The following NACC2 variants were observed in gnomAD, a reference collection of about 807,000 sequenced individuals.
NACC2 encodes the protein NACC family member 2, also known as nucleus accumbens-associated protein 2.
Under a neutral mutation model 25.1 loss-of-function variants are expected in NACC2, and 8 were observed. The ratio of observed to expected loss-of-function variants is 0.32; its 90% CI spans 0.19 to 0.57. The LOEUF is 0.57. NACC2 is among the 20% of genes least tolerant of loss of function. The pLI is 0.89. For missense variants in NACC2, 644 were observed against 650.2 expected (o/e 0.99, Z 0.10); for synonymous variants, 435 against 294.7 (o/e 1.48, Z -4.88).
intron 2 of NACC2, among the ~76,000 whole-genome samples, chr9:136,029,740 G>A (rs868470524): frequency 6.6e-6 from 1 of 152,282 alleles, no homozygotes; most frequent in African/African-American, 2.4e-5. Flanking sequence ...GCAGGGAGCC[G>A]GCGCCTGTGC....
intron 1 of NACC2, among the ~76,000 whole-genome samples, chr9:136,072,066 C>T (rs1377370453): frequency 2.0e-5 from 3 of 149,586 alleles, no homozygotes; most frequent in Admixed American, 6.7e-5. Flanking sequence ...GGTGAAACCC[C>T]GTCTGTACTA....
At chr9:136,035,961 T>C (rs911351666) in intron 2 of NACC2, among the ~76,000 whole-genome samples, 1 of 152,186 alleles carries the variant, frequency 6.6e-6, no homozygotes, top group Non-Finnish European at 1.5e-5. Context: ...ATCATGATCC[T>C]GAGGGAGGAA....
At chr9:136,067,573 C>T (rs1414530016) in intron 1 of NACC2, among the ~76,000 whole-genome samples, 3 of 152,138 alleles carry the variant, frequency 2.0e-5, no homozygotes, top group Non-Finnish European at 2.9e-5. Flanking sequence ...CGCGGTGGCT[C>T]ACGCCTGTAA....
chr9:136,065,112 A>G (rs1445445622), intron 1 of NACC2, among the ~76,000 whole-genome samples: 4 of 152,236 alleles, frequency 2.6e-5, no homozygotes, highest in Non-Finnish European at 5.9e-5. Flanking sequence ...CTTACAAGAA[A>G]AGACAGGATA....
intron 2 of NACC2, among the ~76,000 whole-genome samples, chr9:136,024,154 G>A (rs1840339793): frequency 9.4e-6 from 1 of 106,244 alleles, no homozygotes; most frequent in Admixed American, 9.2e-5. Flanking sequence ...TGTGGGGACA[G>A]AGTGTGTGTG....
intron 1 of NACC2, among the ~76,000 whole-genome samples, chr9:136,057,671 G>A (rs1174772556): frequency 6.6e-6 from 1 of 152,256 alleles, no homozygotes; most frequent in African/African-American, 2.4e-5. Flanking sequence ...CAGGGCTGCA[G>A]TAGGGTCTCC....
chr9:136,059,337 C>T (rs1303211384), intron 1 of NACC2, among the ~76,000 whole-genome samples: 9 of 152,190 alleles, frequency 5.9e-5, no homozygotes, highest in South Asian at 4.1e-4. Context: ...TGCACCAGCC[C>T]ATCCGGAGCA....
At chr9:136,077,244 T>C (rs1226697794) in intron 1 of NACC2, among the ~76,000 whole-genome samples, 2 of 150,518 alleles carry the variant, frequency 1.3e-5, no homozygotes, top group Non-Finnish European at 3.0e-5. Context: ...GGCAGGAGAA[T>C]TGCTTGAACC....
intron 2 of NACC2, among the ~76,000 whole-genome samples, chr9:136,025,870 G>A (rs1446193414): frequency 6.6e-6 from 1 of 152,074 alleles, no homozygotes; most frequent in African/African-American, 2.4e-5. Flanking sequence ...AGCTGAGATT[G>A]TGCCACTGCA....
intron 1 of NACC2, among the ~76,000 whole-genome samples, chr9:136,093,980 GAGA>G (rs1369212378): frequency 2.6e-5 from 4 of 152,372 alleles, no homozygotes; most frequent in East Asian, 1.9e-4. Flanking sequence ...AGGGGTGGGT[GAGA>G]AGAAGGGGCG....
intron 2 of NACC2, among the ~76,000 whole-genome samples, chr9:136,047,387 C>T (rs1201137684): frequency 3.3e-5 from 5 of 152,238 alleles, no homozygotes; most frequent in African/African-American, 1.2e-4. Flanking sequence ...CCTTTCTCTG[C>T]CCCACTTATG....
intron 2 of NACC2, among the ~76,000 whole-genome samples, chr9:136,032,079 C>G (rs1228229660): frequency 6.9e-6 from 1 of 143,950 alleles, no homozygotes; most frequent in African/African-American, 3.0e-5. Flanking sequence ...CGCCAGACTC[C>G]TGGGATCCCA....
intron 1 of NACC2, among the ~76,000 whole-genome samples, chr9:136,069,656 A>G (rs1841127987): frequency 6.6e-6 from 1 of 151,948 alleles, no homozygotes; most frequent in Non-Finnish European, 1.5e-5. Flanking sequence ...AATTATGCAA[A>G]CATAAAAGAA....
intron 2 of NACC2, among the ~76,000 whole-genome samples, chr9:136,023,107 AGGAGGGAGGGG>A: frequency 1.7e-5 from 1 of 59,862 alleles, no homozygotes; most frequent in African/African-American, 6.7e-5. Flanking sequence ...AGAGGGAGGG[AGGAGGGAGGGG>A]GAGGAGGGAG....
Position 136,065,470 on chromosome 9 carries a change from G to A in NACC2, c.-59-14890C>T, listed in dbSNP as rs2131173966. Among the ~76,000 whole-genome samples the A allele has an allele frequency of 1.3e-5, 2 of 152,104 alleles. 1 individual carries two copies. Among genetic ancestry groups the A allele is most frequent in the African/African-American group, 4.8e-5 (2 of 41,516 alleles). On this transcript the variant is annotated intron_variant, in intron 1 of 5. Transcript: ENST00000277554. ...TCCCGTCTCTACTAAAAATACAAAA[G>A]TCAGCCAGATGTGGTGGCGCACGCC...
intron 1 of NACC2, among the ~76,000 whole-genome samples, chr9:136,051,925 AG>A (rs1840850464): frequency 1.3e-5 from 2 of 149,310 alleles, no homozygotes; most frequent in African/African-American, 2.5e-5. Flanking sequence ...GTGGAGGAGG[AG>A]GAGGAGGAGG....
intron 1 of NACC2, among the ~76,000 whole-genome samples, chr9:136,076,370 G>C (rs184623335): frequency 6.6e-6 from 1 of 152,222 alleles, no homozygotes; most frequent in East Asian, 1.9e-4. Context: ...CGACAAAAAT[G>C]AAATGAAATT....
intron 1 of NACC2, among the ~76,000 whole-genome samples, chr9:136,090,364 C>A (rs1302644782): frequency 6.6e-6 from 1 of 151,788 alleles, no homozygotes; most frequent in African/African-American, 2.4e-5. Context: ...CAAGGAAGGC[C>A]CACAGCTGCC....
intron 1 of NACC2, among the ~76,000 whole-genome samples, chr9:136,054,249 A>C (rs2131166031): frequency 6.6e-6 from 1 of 152,294 alleles, no homozygotes; most frequent in African/African-American, 2.4e-5. Context: ...CTGGAGCCCC[A>C]GGGCTGGGGG....
Sources: gnomAD v4.1 joint callset for allele counts (sites outside exome capture counted in the v4.1 genomes callset) on GRCh38, gnomAD v4.1.1 for gene constraint, MANE v1.5 for transcripts, NCBI Gene and HGNC (gene_info 2026-07-23, HGNC 2026-07-21) for gene names.